LRRIQ1: variants seen among roughly 807,000 people sequenced by gnomAD.
The protein encoded by LRRIQ1 is leucine-rich repeat- and IQ domain-containing protein 1.
LRRIQ1 carries 210 observed loss-of-function variants against 211.9 expected under a neutral mutation model. The observed-to-expected ratio is 0.99, with a 90% CI of 0.89 to 1.11. The LOEUF is 1.11. Ranked by LOEUF, LRRIQ1 falls within the 50% of genes most tolerant of loss-of-function variation. The pLI, the probability that LRRIQ1 is intolerant of heterozygous loss-of-function variation, is 0.00. For synonymous variants in LRRIQ1, 699 were observed against 650.1 expected, an observed-to-expected ratio of 1.08 and a Z score of -1.14; for missense variants, 2,136 against 1,939.5, an observed-to-expected ratio of 1.10 and a Z score of -1.90.
At chr12:85,152,566 G>C (rs1890313184) in intron 20 of LRRIQ1, among the ~76,000 whole-genome samples, 197 bp downstream of exon 20, 1 of 150,770 alleles carries the variant, frequency 6.6e-6, no homozygotes, top group African/African-American at 2.4e-5. Context: ...TCTTTATTTT[G>C]GATTTCTTTC....
In LRRIQ1 at chr12:85,152,299, G is replaced by A. The variant is rs1227589210; in HGVS notation, c.4349G>A (p.Trp1450Ter). The change falls in exon 20 of 27, where the codon TGG becomes TAG. Residue 1450 changes from tryptophan (W) to a stop codon, truncating the protein, a stop_gained. Coordinates refer to ENST00000393217, the MANE Select transcript of LRRIQ1 (RefSeq NM_001079910.2). LOFTEE classifies it high-confidence loss of function. ...IFDEAALEEE[W>*]LALDSTRFPS... ...GTGCAGGCTGCCTTAGAAGAAGAAT[G>A]GCTAGCATTAGATTCCACCCGCTTC... The A allele has an allele frequency of 5.6e-6, 9 of 1,610,290 alleles. No individual in the cohort carries two copies. Among genetic ancestry groups the A allele is most frequent in the South Asian group, 3.3e-5 (3 of 90,782 alleles).
Position 85,098,444 on chromosome 12 carries a change from A to G in LRRIQ1, c.2977A>G (p.Ile993Val), listed in dbSNP as rs772093586. ...NTKGLCDTPTIVYLDCSHNHL... is the reference protein window; with the variant it reads ...NTKGLCDTPTVVYLDCSHNHL... ...AAAAGGTCTTTGTGATACACCTACC[A>G]TTGTATACCTAGATTGCTCCCATAA... Residue 993 changes from isoleucine to valine, a missense_variant, in exon 12 of 27, where the codon ATT becomes GTT. Coordinates refer to ENST00000393217, the MANE Select transcript of LRRIQ1 (RefSeq NM_001079910.2). The G allele has an allele frequency of 3.3e-5, 53 of 1,610,134 alleles. No homozygotes were observed. The highest frequency in any genetic ancestry group is 9.3e-6 in the Non-Finnish European group (11 of 1,177,278).
chr12:85,245,708 A>G (rs573034015), downstream of LRRIQ1, among the ~76,000 whole-genome samples: 122 of 151,104 alleles, frequency 8.1e-4, no homozygotes, highest in Non-Finnish European at 1.4e-3. Flanking sequence ...CTCTTCTAAA[A>G]TGTGACAATA....
At chr12:85,159,788 A>G (rs1191712650) in intron 23 of LRRIQ1, among the ~76,000 whole-genome samples, 1 of 151,962 alleles carries the variant, frequency 6.6e-6, no homozygotes, top group Non-Finnish European at 1.5e-5. Context: ...ATGATATATA[A>G]TACTTATTTT....
chr12:85,246,689 A>C (rs1895728907), downstream of LRRIQ1, among the ~76,000 whole-genome samples: 1 of 151,490 alleles, frequency 6.6e-6, no homozygotes. Context: ...CTGTAATTCC[A>C]ACTACTTGTC....
At chr12:85,217,466 G>GTATATATATA (rs1176544778) in intron 24 of LRRIQ1, among the ~76,000 whole-genome samples, 4 of 67,020 alleles carry the variant, frequency 6.0e-5, no homozygotes, top group African/African-American at 2.1e-4. Flanking sequence ...GGGACCTGAA[G>GTATATATATA]TATATATATA....
rs141391066 is a variant in LRRIQ1, at chr12:85,096,835, A to C, written c.2888-1520A>C. 4.0e-3 allele frequency among the ~76,000 whole-genome samples: 610 copies of C among 152,084 alleles called. 2 individuals are homozygous for C. Among genetic ancestry groups the C allele is most frequent in the African/African-American group, 0.014 (580 of 41,490 alleles). On this transcript the variant is annotated intron_variant, in intron 11 of 26. Coordinates refer to ENST00000393217, the MANE Select transcript of LRRIQ1 (RefSeq NM_001079910.2). ...GAAGTACTCTTTTTATTAATTTAGG[A>C]GCTCCAATGTTGGATCTGTATGTAT...
chr12:85,047,951 G>T, intron 6 of LRRIQ1: 1 of 155,920 alleles, frequency 6.4e-6, no homozygotes, highest in Non-Finnish European at 1.4e-5. Context: ...GTGAAGTTTT[G>T]TACTGTTTTC....
rs749684462 is a variant in LRRIQ1, at chr12:85,153,732, A to C, written c.4611A>C (p.Glu1537Asp). ...KTSRKSLLKS[E>D]KEKKISEEWG... Reference sequence around the variant, plus strand: ...GTAGAAAGAGTTTGCTAAAATCTGAAAAAGAAAAAAAAATTTCAGAAGAAT... The same window carrying C: ...GTAGAAAGAGTTTGCTAAAATCTGACAAAGAAAAAAAAATTTCAGAAGAAT... The change falls in exon 22 of 27, where the codon GAA becomes GAC. Residue 1537 changes from glutamate to aspartate, a missense_variant. Transcript: ENST00000393217. 1 of 1,571,414 alleles carries C rather than the reference A, an allele frequency of 6.4e-7. No homozygotes were observed. Among genetic ancestry groups the C allele is most frequent in the Non-Finnish European group, 8.6e-7 (1 of 1,160,104 alleles).
chr12:85,140,294 G>C (rs1364698796), intron 19 of LRRIQ1, among the ~76,000 whole-genome samples: 1 of 151,186 alleles, frequency 6.6e-6, no homozygotes, highest in Non-Finnish European at 1.5e-5. Context: ...TGATGTGTTA[G>C]TACTGACTAT....
intron 26 of LRRIQ1, among the ~76,000 whole-genome samples, chr12:85,240,171 A>T (rs1480160582): frequency 6.6e-6 from 1 of 152,186 alleles, no homozygotes; most frequent in Admixed American, 6.5e-5. Flanking sequence ...GTCAAACCAC[A>T]TTATCGGAGA....
chr12:85,044,818 T>C lies in LRRIQ1; in HGVS notation c.336+9T>C. 1 of 1,268,308 alleles carries C rather than the reference T, an allele frequency of 7.9e-7. No individual in the cohort carries two copies. The highest frequency in any genetic ancestry group is 1.1e-6 in the Non-Finnish European group (1 of 890,142). 78.6% of individuals were successfully genotyped at this position (1,268,308 alleles called of 1,614,324 possible). A position where few individuals can be genotyped will look rare whatever the true frequency, so the allele number is the denominator to read the frequency against. On this transcript the variant is annotated intron_variant, in intron 4 of 26. Transcript: ENST00000393217. ...CAGAGCAATTAATTAAGGTATATAT[T>C]CAATATTTGACTTAAAATATTCACT...
At chr12:85,173,511 T>C (rs1891519204) in intron 24 of LRRIQ1, among the ~76,000 whole-genome samples, 1 of 152,132 alleles carries the variant, frequency 6.6e-6, no homozygotes, top group Non-Finnish European at 1.5e-5. Flanking sequence ...TGAGGGCTCC[T>C]GTCTTGGATT....
At chr12:85,082,341 G>T (rs1003241472) in intron 11 of LRRIQ1, among the ~76,000 whole-genome samples, 13 of 151,958 alleles carry the variant, frequency 8.6e-5, no homozygotes, top group African/African-American at 2.9e-4. Context: ...CTTTGTCTTT[G>T]CGGTTATGCA....
At chr12:85,224,218 G>A (rs1894539545) in intron 24 of LRRIQ1, among the ~76,000 whole-genome samples, 1 of 152,114 alleles carries the variant, frequency 6.6e-6, no homozygotes, top group Non-Finnish European at 1.5e-5. Context: ...ACACCAGTTA[G>A]AATGGCCATC....
At chr12:85,154,965 T>G (rs1890463449) in intron 23 of LRRIQ1, among the ~76,000 whole-genome samples, 1 of 151,202 alleles carries the variant, frequency 6.6e-6, no homozygotes, top group South Asian at 2.1e-4. Flanking sequence ...TTTTATCTTT[T>G]TCTATTAATT....
At chr12:85,128,066 A>G (rs749442685) in intron 18 of LRRIQ1, 33 bp downstream of exon 18, 3 of 1,425,924 alleles carry the variant, frequency 2.1e-6, no homozygotes, top group Non-Finnish European at 3.0e-6. Flanking sequence ...CATAGTTACA[A>G]AAGATATATT....
At chr12:85,048,745 G>T (rs1179502201) in intron 6 of LRRIQ1, among the ~76,000 whole-genome samples, 1 of 151,918 alleles carries the variant, frequency 6.6e-6, no homozygotes, top group Non-Finnish European at 1.5e-5. Flanking sequence ...TTAAAAAAAA[G>T]AAATCCAAAA....
At chr12:85,198,246 A>G (rs1893100591) in intron 24 of LRRIQ1, among the ~76,000 whole-genome samples, 1 of 145,080 alleles carries the variant, frequency 6.9e-6, no homozygotes, top group Non-Finnish European at 1.5e-5. Flanking sequence ...TGTCTTTGTT[A>G]TTGTGAATAG....
Sources: allele counts gnomAD v4.1 joint callset (sites outside exome capture counted in the v4.1 genomes callset), GRCh38; gene constraint gnomAD v4.1.1; transcripts MANE v1.5; gene names NCBI Gene and HGNC (gene_info 2026-07-23, HGNC 2026-07-21).